Variants in UNC13C observed in about 807,000 individuals in gnomAD.
UNC13C encodes the protein protein unc-13 homolog C.
UNC13C carries 174 observed loss-of-function variants against 245.4 expected under a neutral mutation model. That is an observed-to-expected ratio of 0.71 (90% confidence interval 0.63 to 0.80). The LOEUF (loss-of-function observed/expected upper bound fraction) is 0.80. Ranked by LOEUF, UNC13C falls within the 30% of genes least tolerant of loss-of-function variation. The probability of loss-of-function intolerance (pLI) is 0.00; values close to 1 mark genes in which losing one functional copy is unlikely to be tolerated. For synonymous variants in UNC13C, 992 were observed against 895.1 expected, an observed-to-expected ratio of 1.11 and a Z score of -1.93; for missense variants, 2,829 against 2,602.9, an observed-to-expected ratio of 1.09 and a Z score of -1.89.
chr15:54,169,650 T>A (rs963211453), intron 4 of UNC13C, among the ~76,000 whole-genome samples: 1 of 152,224 alleles, frequency 6.6e-6, no homozygotes, highest in African/African-American at 2.4e-5. Context: ...ACCTGTTTTC[T>A]TTCCTTGAAT....
At chr15:54,526,616 C>T (rs1566888774) in intron 25 of UNC13C, among the ~76,000 whole-genome samples, 1 of 151,730 alleles carries the variant, frequency 6.6e-6, no homozygotes, top group Non-Finnish European at 1.5e-5. Flanking sequence ...TGGTGACGGG[C>T]ACCTGTAGTC....
At chr15:54,020,959 T>C (rs1481397931) in intron 2 of UNC13C, among the ~76,000 whole-genome samples, 2 of 152,142 alleles carry the variant, frequency 1.3e-5, no homozygotes, top group Non-Finnish European at 2.9e-5. Flanking sequence ...TGCATAACAA[T>C]AACCTTTTGT....
At position 54,351,155 on chromosome 15, in the gene UNC13C, A is replaced by G. The variant is rs376321646; in HGVS notation, c.4713+12666A>G. 3.9e-3 allele frequency among the ~76,000 whole-genome samples: 587 copies of G among 151,736 alleles called. 3 individuals carry two copies. Among genetic ancestry groups the G allele is most frequent in the South Asian group, 0.014 (68 of 4,824 alleles). ...AGTAAACATAATAAATTGGAAACAT[A>G]ATTTTTTTTTACAATTGTTTGACTC... On this transcript the variant is annotated intron_variant, in intron 17 of 32. Transcript: ENST00000260323.
intron 18 of UNC13C, among the ~76,000 whole-genome samples, chr15:54,400,009 A>G (rs1260760556): frequency 6.6e-6 from 1 of 151,986 alleles, no homozygotes; most frequent in East Asian, 1.9e-4. Context: ...CATTATTCAA[A>G]TTCAACAATT....
chr15:54,189,582 A>C (rs1465285085), intron 4 of UNC13C, among the ~76,000 whole-genome samples: 1 of 152,178 alleles, frequency 6.6e-6, no homozygotes, highest in Non-Finnish European at 1.5e-5. Flanking sequence ...AATTATGTAG[A>C]TATTTCGGGA....
chr15:54,086,556 C>T (rs1455747484), intron 2 of UNC13C, among the ~76,000 whole-genome samples: 3 of 152,008 alleles, frequency 2.0e-5, no homozygotes, highest in African/African-American at 7.2e-5. Context: ...ACATAAATCC[C>T]TTCTCATTTG....
intron 19 of UNC13C, among the ~76,000 whole-genome samples, chr15:54,482,614 A>AATTCCACTGTTCTCTCCCAGATGCTGT (rs143190621): frequency 0.41 from 60,565 of 149,352 alleles, 12,448 homozygotes; most frequent in East Asian, 0.61. Context: ...TTCCCTGCTG[A>AATTCCACTGTTCTCTCCCAGATGCTGT]ATTCCACTGT....
At chr15:54,216,098 G>A (rs1010580508) in intron 4 of UNC13C, among the ~76,000 whole-genome samples, 1 of 151,886 alleles carries the variant, frequency 6.6e-6, no homozygotes, top group African/African-American at 2.4e-5. Flanking sequence ...GACAGTGAGT[G>A]TGTACATGAA....
At chr15:53,927,420 T>A in the UNC13C span, among the ~76,000 whole-genome samples, 1 of 152,182 alleles carries the variant, frequency 6.6e-6, no homozygotes, top group Non-Finnish European at 1.5e-5. Flanking sequence ...AGAGAGGGAC[T>A]GAACAGGTTC....
At chr15:54,103,303 G>T (rs1394449837) in intron 2 of UNC13C, among the ~76,000 whole-genome samples, 1 of 152,096 alleles carries the variant, frequency 6.6e-6, no homozygotes, top group African/African-American at 2.4e-5. Flanking sequence ...GTTCGCCAGG[G>T]TAACTAAGCA....
chr15:54,288,211 T>C (rs924990191), intron 10 of UNC13C, among the ~76,000 whole-genome samples: 11 of 152,278 alleles, frequency 7.2e-5, no homozygotes, highest in Non-Finnish European at 1.3e-4. Context: ...GCAACAGAAG[T>C]AGTTTCTGGG....
At chr15:53,984,135 C>T (rs534110912) in intron 1 of UNC13C, among the ~76,000 whole-genome samples, 1 of 152,226 alleles carries the variant, frequency 6.6e-6, no homozygotes, top group South Asian at 2.1e-4. Context: ...ATGTCACTCC[C>T]TGATCAAAAA....
rs181993461 is a variant in UNC13C at position 54,133,169 on chromosome 15, A to C, written c.2984-9849A>C. Among the ~76,000 whole-genome samples the C allele has an allele frequency of 2.7e-3, 406 of 152,292 alleles. 1 individual carries two copies. The highest frequency in any genetic ancestry group is 8.5e-3 in the Admixed American group (130 of 15,286). ...CATAGAATTTAGAGCTAGAAGATTT[A>C]GATAGATGCTGGTGAAATATTCTTA... On this transcript the variant is annotated intron_variant, in intron 2 of 32. Coordinates refer to ENST00000260323, the MANE Select transcript of UNC13C (RefSeq NM_001080534.3).
chr15:54,453,640 C>G (rs1891306052), intron 19 of UNC13C, among the ~76,000 whole-genome samples: 1 of 152,142 alleles, frequency 6.6e-6, no homozygotes, highest in African/African-American at 2.4e-5. Flanking sequence ...AATGAATTTA[C>G]TGAGTCAAAG....
At chr15:54,102,542 G>C (rs1305436156) in intron 2 of UNC13C, among the ~76,000 whole-genome samples, 1 of 152,220 alleles carries the variant, frequency 6.6e-6, no homozygotes, top group African/African-American at 2.4e-5. Flanking sequence ...TGCTGCTCCA[G>C]TAGAGGTGTT....
intron 17 of UNC13C, among the ~76,000 whole-genome samples, chr15:54,339,725 A>G (rs2038683466): frequency 6.6e-6 from 1 of 151,776 alleles, no homozygotes; most frequent in Non-Finnish European, 1.5e-5. Context: ...TATTTTTAGA[A>G]TTGTAAATTG....
intron 4 of UNC13C, among the ~76,000 whole-genome samples, chr15:54,157,838 A>C (rs1230838119): frequency 1.3e-5 from 2 of 152,214 alleles, no homozygotes; most frequent in African/African-American, 2.4e-5. Context: ...TGACAAAAAC[A>C]AGAAATGGGG....
chr15:53,936,977 C>T, the UNC13C span, among the ~76,000 whole-genome samples: 2 of 152,166 alleles, frequency 1.3e-5, no homozygotes, highest in African/African-American at 4.8e-5. Context: ...GCCTCTTCTC[C>T]TCCAAATGAC....
At chr15:54,252,210 A>T (rs1004848665) in intron 8 of UNC13C, among the ~76,000 whole-genome samples, 3 of 152,140 alleles carry the variant, frequency 2.0e-5, no homozygotes, top group African/African-American at 7.2e-5. Context: ...TAGAGAAAAA[A>T]ATGATGCCAC....
Sources: allele counts gnomAD v4.1 joint callset (sites outside exome capture counted in the v4.1 genomes callset), GRCh38; gene constraint gnomAD v4.1.1; transcripts MANE v1.5; gene names NCBI Gene and HGNC (gene_info 2026-07-23, HGNC 2026-07-21).